Variants in CNTROB observed in about 807,000 individuals in gnomAD.
The protein encoded by CNTROB is centrobin, centriole duplication and spindle assembly protein.
CNTROB carries 82 observed loss-of-function variants against 115.7 expected under a neutral mutation model. The observed-to-expected ratio is 0.71, with a 90% CI of 0.59 to 0.85. The LOEUF is 0.85. Among genes scored for constraint, CNTROB ranks in the 40% least tolerant of loss-of-function variants. CNTROB has a pLI of 0.00. For synonymous variants in CNTROB, 439 were observed against 456.4 expected (o/e 0.96, Z 0.49); for missense variants, 1,014 against 1,144.4 (o/e 0.89, Z 1.64).
rs1307163843 is a variant in CNTROB at position 7,932,957 on chromosome 17, A to T, written c.-123A>T. 6.5e-6 allele frequency: 7 copies of T among 1,080,166 alleles called. No individual in the cohort carries two copies. In the Admixed American group the frequency reaches 1.4e-4, roughly 21 times the overall value. 66.9% of individuals were successfully genotyped at this position (1,080,166 alleles called of 1,614,324 possible). A position where few individuals can be genotyped will look rare whatever the true frequency, so the allele number is the denominator to read the frequency against. On this transcript the variant is annotated 5_prime_UTR_variant, in exon 1 of 19. Coordinates refer to ENST00000563694, the MANE Select transcript of CNTROB (RefSeq NM_053051.5). ...CCTCGATATCCTTAATTCACCAAGG[A>T]TCCTTGGCGTGGAGTCTTCCTCCCT...
In CNTROB at chr17:7,947,959, A is replaced by G. The variant is rs1172072340; in HGVS notation, c.2189A>G (p.Asp730Gly). ...VPQNNENPSV[D>G]LLPPKSGPLT... ...CAGAACAATGAGAACCCTTCTGTCG[A>G]CCTGTTGCCCCCTAAGTCTGGTGAG... Residue 730 changes from aspartate to glycine, a missense_variant, in exon 15 of 19, where the codon GAC (aspartate) becomes GGC (glycine). Physicochemically the swap from Asp to Gly is moderately conservative, Grantham distance 94. Coordinates refer to ENST00000563694, the MANE Select transcript of CNTROB (RefSeq NM_053051.5). The G allele has an allele frequency of 2.5e-6, 4 of 1,613,914 alleles. No homozygotes were observed. The highest frequency in any genetic ancestry group is 3.4e-6 in the Non-Finnish European group (4 of 1,179,920).
Position 7,939,500 on chromosome 17 carries a change from T to C in CNTROB, c.928-13T>C, listed in dbSNP as rs113662563. ...AGCCTACTAAGGAGCTTGGTTTTCT[T>C]CTGCGGCTGTAGGAGGAGGAAAGGC... On this transcript the variant is annotated splice_polypyrimidine_tract_variant and intron_variant, in intron 7 of 18. Transcript: ENST00000563694. The surrounding 1 kb of genome is among the most constrained non-coding windows in gnomAD (Gnocchi z 4.4). 6.2e-7 allele frequency: 1 copy of C among 1,612,858 alleles called. No individual in the cohort carries two copies. The highest frequency in any genetic ancestry group is 8.5e-7 in the Non-Finnish European group (1 of 1,178,958).
chr17:7,944,718 C>A lies in CNTROB; in HGVS notation c.1734+80C>A. On this transcript the variant is annotated intron_variant, in intron 12 of 18. Transcript: ENST00000563694. This position sits in a 1 kb window ranked among gnomAD's most constrained non-coding sequence, Gnocchi z 4.0. The stretch of plus-strand genomic sequence containing the variant: ...TTTTTGAGACAGGGTCTCACTCTTG[C>A]CCAGGCTGGAGTGTACTGGTGAGAT... The A allele has an allele frequency of 2.0e-6, 3 of 1,507,148 alleles. No individual in the cohort carries two copies. Among genetic ancestry groups the A allele is most frequent in the Non-Finnish European group, 2.7e-6 (3 of 1,118,026 alleles). 93.4% of individuals were successfully genotyped at this position (1,507,148 alleles called of 1,614,324 possible). A position where few individuals can be genotyped will look rare whatever the true frequency, so the allele number is the denominator to read the frequency against.
At chr17:7,941,741 C>G (rs1041665816) in intron 9 of CNTROB, among the ~76,000 whole-genome samples, 1 of 151,772 alleles carries the variant, frequency 6.6e-6, no homozygotes, top group Non-Finnish European at 1.5e-5. Flanking sequence ...GGGCAGATTG[C>G]TTGAGCCCAG....
chr17:7,937,082 T>A (rs1420043598), intron 6 of CNTROB, 82 bp from the exon 7 acceptor site: 1 of 1,557,874 alleles, frequency 6.4e-7, no homozygotes, highest in Non-Finnish European at 8.8e-7. Context: ...AGTTTCAAGT[T>A]TACATTGTCA....
chr17:7,932,214 C>T lies in CNTROB; in HGVS notation c.-866C>T. 1 of 240,122 alleles carries T rather than the reference C, an allele frequency of 4.2e-6. No homozygotes were observed. The highest frequency in any genetic ancestry group is 8.3e-6 in the Non-Finnish European group (1 of 121,140). 14.9% of individuals were successfully genotyped at this position (240,122 alleles called of 1,614,324 possible). On this transcript the variant is annotated 5_prime_UTR_variant, in exon 1 of 19. Transcript: ENST00000563694. ...GAGAGGCGGAGCCGTGGACAGTGGGCGGGAGGCTGCCAACGGTTTTGAGCG... is the reference window on the plus strand; with the variant it reads ...GAGAGGCGGAGCCGTGGACAGTGGGTGGGAGGCTGCCAACGGTTTTGAGCG...
chr17:7,948,104 TC>T lies in CNTROB; in HGVS notation c.2210-51del. 1.9e-6 allele frequency: 3 copies of T among 1,610,236 alleles called. No homozygotes were observed. On this transcript the variant is annotated intron_variant, in intron 15 of 18. Transcript: ENST00000563694. This position sits in a 1 kb window ranked among gnomAD's most constrained non-coding sequence, Gnocchi z 4.4. ...CTTATAAATGCTGGGTGGTGGGACT[TC>T]CTTGGTTCTATGCCCCATTTCCTGA...
At position 7,932,923 on chromosome 17, in the gene CNTROB, A is replaced by G. The variant is rs1231325250; in HGVS notation, c.-157A>G. 2.5e-6 allele frequency: 2 copies of G among 799,368 alleles called. No individual in the cohort carries two copies. Among genetic ancestry groups the G allele is most frequent in the Non-Finnish European group, 3.9e-6 (2 of 510,056 alleles). 49.5% of individuals were successfully genotyped at this position (799,368 alleles called of 1,614,324 possible). A position where few individuals can be genotyped will look rare whatever the true frequency, so the allele number is the denominator to read the frequency against. ...GGAACTGGTGGAAACCTTTCCTCTA[A>G]CCAGAAAGCCTCGATATCCTTAATT... On this transcript the variant is annotated 5_prime_UTR_variant, in exon 1 of 19. Coordinates refer to ENST00000563694, the MANE Select transcript of CNTROB (RefSeq NM_053051.5).
chr17:7,932,537 GGAGC>G lies in CNTROB; in HGVS notation c.-542_-539del. 1.5e-4 allele frequency: 1 copy of G among 6,510 alleles called. No individual in the cohort carries two copies. The highest frequency in any genetic ancestry group is 2.5e-4 in the Non-Finnish European group (1 of 4,038). The allele number at this position is 6,510 out of a possible 1,614,324, so 0.4% of individuals were successfully genotyped here. A position where few individuals can be genotyped will look rare whatever the true frequency, so the allele number is the denominator to read the frequency against. ...GTCGAAGGGAAAGTACAAGGGAGCT[GGAGC>G]TGACCCTGGGTAGAACGGGTGAAGG... On this transcript the variant is annotated 5_prime_UTR_variant, in exon 1 of 19. It removes the in-frame stop codon of an upstream open reading frame in the 5' UTR. Coordinates refer to ENST00000563694, the MANE Select transcript of CNTROB (RefSeq NM_053051.5).
Position 7,948,722 on chromosome 17 carries a change from T to G in CNTROB, c.2513+103T>G. Reference sequence around the variant, plus strand: ...ACTGAATTGAATCGTTGTCCTTTTCTGGGGAGGAAAGTGAAGGATGAGAGG... The same window carrying G: ...ACTGAATTGAATCGTTGTCCTTTTCGGGGGAGGAAAGTGAAGGATGAGAGG... On this transcript the variant is annotated intron_variant, in intron 17 of 18. Transcript: ENST00000563694. This position sits in a 1 kb window ranked among gnomAD's most constrained non-coding sequence, Gnocchi z 4.4. 1.2e-6 allele frequency: 2 copies of G among 1,610,030 alleles called. No homozygotes were observed. The highest frequency in any genetic ancestry group is 1.7e-6 in the Non-Finnish European group (2 of 1,176,770).
chr17:7,949,788 C>T lies in CNTROB; in HGVS notation c.*278C>T, dbSNP rs531526272. On this transcript the variant is annotated 3_prime_UTR_variant, in exon 19 of 19. Coordinates refer to ENST00000563694, the MANE Select transcript of CNTROB (RefSeq NM_053051.5). The stretch of plus-strand genomic sequence containing the variant: ...AAGATTCAGTGGACAAAGCTAAAAC[C>T]TGCAGAGCAATGAACTCTGGGTGGT... The T allele has an allele frequency of 6.0e-6, 2 of 333,324 alleles. No homozygotes were observed. Among genetic ancestry groups the T allele is most frequent in the African/African-American group, 2.1e-5 (1 of 47,142 alleles). The allele number at this position is 333,324 out of a possible 1,614,324, so 20.6% of individuals were successfully genotyped here. A position where few individuals can be genotyped will look rare whatever the true frequency, so the allele number is the denominator to read the frequency against.
rs1210200116 is a variant in CNTROB at position 7,937,423 on chromosome 17, T to TA, written c.927+170dup. ...ACACTAATTCAGCTAGATATTCTATTAAAAAAAAAGGCTCTGCTACCAAGT... is the reference window on the plus strand; with the variant it reads ...ACACTAATTCAGCTAGATATTCTATTAAAAAAAAAAGGCTCTGCTACCAAGT... On this transcript the variant is annotated intron_variant, in intron 7 of 18. Coordinates refer to ENST00000563694, the MANE Select transcript of CNTROB (RefSeq NM_053051.5). Among the ~76,000 whole-genome samples the TA allele has an allele frequency of 4.6e-5, 7 of 151,030 alleles. 1 individual carries two copies. Among genetic ancestry groups the TA allele is most frequent in the Non-Finnish European group, 1.0e-4 (7 of 67,726 alleles).
At position 7,933,171 on chromosome 17, in the gene CNTROB, C is replaced by T. The variant is rs774781412; in HGVS notation, c.92C>T (p.Ser31Leu). 1.9e-5 allele frequency: 30 copies of T among 1,613,986 alleles called. No homozygotes were observed. The highest frequency in any genetic ancestry group is 2.4e-5 in the Non-Finnish European group (28 of 1,180,038). The part of the protein sequence containing the change: ...SSEPPGLNQV[S>L]SEVTSQLYAS... ...GAACCCCCTGGGCTCAACCAAGTGT[C>T]GTCTGAAGTGACCTCCCAGCTCTAT... The change falls in exon 1 of 19, where the codon TCG becomes TTG. Residue 31 changes from serine (S) to leucine (L), a missense_variant. Physicochemically the swap from Ser to Leu is moderately radical, Grantham distance 145. Transcript: ENST00000563694.
intron 1 of CNTROB, 90 bp from the exon 2 acceptor site, chr17:7,934,048 C>G: frequency 9.4e-7 from 1 of 1,063,844 alleles, no homozygotes. Context: ...TTCTTGTTTT[C>G]CAAAGTGCTG....
Position 7,945,902 on chromosome 17 carries a change from C to G in CNTROB, c.1909C>G (p.Leu637Val), listed in dbSNP as rs190029027. 63 of 1,614,172 alleles carry G rather than the reference C, an allele frequency of 3.9e-5. No homozygotes were observed. In the Admixed American group the frequency reaches 7.2e-4, roughly 18 times the overall value. ...PPVLCSSSSD[L>V]SLLLGPSFQS... is the part of the protein sequence containing the mutation. ...TGTTCTTTGCAGTTCCTCCTCAGAT[C>G]TTAGCCTCCTGTTGGGCCCCTCTTT... Residue 637 changes from leucine to valine, a missense_variant, in exon 13 of 19, where the codon CTT becomes GTT. Physicochemically the swap from Leu to Val is conservative, Grantham distance 32. Coordinates refer to ENST00000563694, the MANE Select transcript of CNTROB (RefSeq NM_053051.5).
At chr17:7,937,338 T>C in intron 7 of CNTROB, 76 bp downstream of exon 7, 1 of 1,563,640 alleles carries the variant, frequency 6.4e-7, no homozygotes, top group South Asian at 1.1e-5. Context: ...ATTGGTGGAT[T>C]GTGGGAGATT....
intron 9 of CNTROB, among the ~76,000 whole-genome samples, chr17:7,942,350 CTCTT>C (rs1311021879): frequency 5.9e-5 from 9 of 152,140 alleles, no homozygotes; most frequent in African/African-American, 2.2e-4. Flanking sequence ...CACCTGTAAT[CTCTT>C]TGGGAGACTG....
At chr17:7,941,366 A>G (rs923640967) in intron 9 of CNTROB, among the ~76,000 whole-genome samples, 5 of 151,398 alleles carry the variant, frequency 3.3e-5, no homozygotes, top group Admixed American at 2.6e-4. Context: ...GTGGGAGGCC[A>G]AGGCGGGTGG....
chr17:7,949,415 G>A lies in CNTROB; in HGVS notation c.2617G>A (p.Ala873Thr). The A allele has an allele frequency of 3.7e-6, 6 of 1,614,062 alleles. No homozygotes were observed. Among genetic ancestry groups the A allele is most frequent in the Non-Finnish European group, 5.1e-6 (6 of 1,180,000 alleles). ...CTCCCAGGCTGTCCCTCGCCGCCTT[G>A]CTACAGCCCCCAAGACTGAAAAACC... Reference protein sequence around the residue: ...IPSQAVPRRLATAPKTEKPPA... With the variant: ...IPSQAVPRRLTTAPKTEKPPA... Residue 873 changes from alanine (A) to threonine (T), a missense_variant, in exon 19 of 19, where the codon GCT (alanine) becomes ACT (threonine). Physicochemically the swap from Ala to Thr is moderately conservative, Grantham distance 58. Coordinates refer to ENST00000563694, the MANE Select transcript of CNTROB (RefSeq NM_053051.5).
Sources: allele counts gnomAD v4.1 joint callset (sites outside exome capture counted in the v4.1 genomes callset), GRCh38; gene constraint gnomAD v4.1.1; non-coding constraint Gnocchi (gnomAD v3.1); transcripts MANE v1.5; gene names NCBI Gene and HGNC (gene_info 2026-07-23, HGNC 2026-07-21).